PREX1: variants seen among roughly 807,000 people sequenced by gnomAD.
PREX1 encodes phosphatidylinositol 3,4,5-trisphosphate-dependent Rac exchanger 1 protein.
PREX1 carries 41 observed loss-of-function variants against 198.3 expected under a neutral mutation model. The observed-to-expected ratio is 0.21, with a 90% CI of 0.16 to 0.27. The LOEUF (loss-of-function observed/expected upper bound fraction) is 0.27. PREX1 is among the 10% of genes least tolerant of loss of function. The pLI, the probability that PREX1 is intolerant of heterozygous loss-of-function variation, is 1.00. For missense variants in PREX1, 1,620 were observed against 2,200.7 expected (o/e 0.74, Z 5.28); for synonymous variants, 843 against 887.2 (o/e 0.95, Z 0.89).
the PREX1 span, among the ~76,000 whole-genome samples, chr20:48,866,894 ACTCCAGC>A: frequency 6.6e-6 from 1 of 151,968 alleles, no homozygotes; most frequent in Non-Finnish European, 1.5e-5. Flanking sequence ...ACCCCACTGC[ACTCCAGC>A]CTGGGAAACA....
the PREX1 span, among the ~76,000 whole-genome samples, chr20:48,867,024 A>G: frequency 6.6e-6 from 1 of 152,166 alleles, no homozygotes; most frequent in Non-Finnish European, 1.5e-5. Context: ...TAGGGTTTAA[A>G]ATAACTTTCT....
the PREX1 span, among the ~76,000 whole-genome samples, chr20:48,856,168 C>G: frequency 6.6e-6 from 1 of 152,136 alleles, no homozygotes; most frequent in Non-Finnish European, 1.5e-5. Context: ...AGTGGTAGGG[C>G]CTAAGTCTGG....
the PREX1 span, among the ~76,000 whole-genome samples, chr20:48,878,569 A>G: frequency 6.6e-6 from 1 of 151,890 alleles, no homozygotes; most frequent in Non-Finnish European, 1.5e-5. Context: ...TGATCTACTG[A>G]CCTTGTGATC....
the PREX1 span, among the ~76,000 whole-genome samples, chr20:48,836,162 G>A: frequency 1.4e-4 from 22 of 152,266 alleles, no homozygotes; most frequent in Admixed American, 3.3e-4. Context: ...GTTTGGTTTT[G>A]GCCATGTTCA....
intron 1 of PREX1, among the ~76,000 whole-genome samples, chr20:48,826,055 CCTCCCT>C (rs1297694472): frequency 6.6e-6 from 1 of 151,956 alleles, no homozygotes. Flanking sequence ...AAGGCTGTCT[CCTCCCT>C]GAGCTGGAAC....
At chr20:48,853,631 C>T in the PREX1 span, among the ~76,000 whole-genome samples, 15,353 of 152,164 alleles carry the variant, frequency 0.1, 882 homozygotes, top group Middle Eastern at 0.16. Flanking sequence ...AGTAGGATAC[C>T]TTCTGCCTTG....
chr20:48,841,572 A>G, the PREX1 span, among the ~76,000 whole-genome samples: 1 of 152,194 alleles, frequency 6.6e-6, no homozygotes, highest in Non-Finnish European at 1.5e-5. Flanking sequence ...AGGGGTCCTC[A>G]CACATGGCCT....
chr20:48,791,877 A>G (rs2208589), intron 1 of PREX1, among the ~76,000 whole-genome samples: 122,363 of 152,176 alleles, frequency 0.8, 49,329 homozygotes, highest in African/African-American at 0.85. Flanking sequence ...ATTTCCTGCC[A>G]TTGGAAAATG....
chr20:48,820,620 C>A (rs1263272918), intron 1 of PREX1, among the ~76,000 whole-genome samples: 3 of 152,202 alleles, frequency 2.0e-5, no homozygotes, highest in Non-Finnish European at 4.4e-5. Context: ...GCTTTTAGCC[C>A]AGTGGTTCTC....
the PREX1 span, among the ~76,000 whole-genome samples, chr20:48,838,425 C>T: frequency 5.3e-5 from 8 of 152,256 alleles, no homozygotes; most frequent in Admixed American, 2.0e-4. Flanking sequence ...AGACAAACTT[C>T]GATGCGCAAA....
chr20:48,785,197 A>G (rs931602472), intron 1 of PREX1, among the ~76,000 whole-genome samples: 28 of 152,218 alleles, frequency 1.8e-4, no homozygotes, highest in African/African-American at 6.8e-4. Flanking sequence ...TACAGGCGTG[A>G]GCCACTGCAC....
At chr20:48,688,916 C>A in intron 9 of PREX1, 112 bp from the exon 10 acceptor site, 1 of 1,279,016 alleles carries the variant, frequency 7.8e-7, no homozygotes, top group East Asian at 2.4e-5. Context: ...CCACCTGCCC[C>A]ACCACCTGCC....
At chr20:48,818,244 A>C (rs1326542496) in intron 1 of PREX1, among the ~76,000 whole-genome samples, 1 of 152,198 alleles carries the variant, frequency 6.6e-6, no homozygotes, top group Admixed American at 6.5e-5. Context: ...GGAACTGGAT[A>C]ATGGGGATGA....
chr20:48,679,241 C>A, intron 13 of PREX1, 119 bp downstream of exon 13: 2 of 856,852 alleles, frequency 2.3e-6, no homozygotes, highest in Non-Finnish European at 3.8e-6. Flanking sequence ...ATAGGTGCCA[C>A]TGCAAGCCCC....
intron 9 of PREX1, 33 bp from the exon 10 acceptor site, chr20:48,688,837 C>G (rs1331470813): frequency 6.2e-7 from 1 of 1,613,084 alleles, no homozygotes; most frequent in Non-Finnish European, 8.5e-7. Flanking sequence ...CTGGAGAGAG[C>G]ACCAGGCCCA....
the PREX1 span, among the ~76,000 whole-genome samples, chr20:48,836,633 G>A: frequency 6.6e-6 from 1 of 152,068 alleles, no homozygotes; most frequent in African/African-American, 2.4e-5. Flanking sequence ...ACCCCACTCT[G>A]GCTGGGTGCG....
At chr20:48,652,465 G>T in intron 21 of PREX1, 121 bp downstream of exon 21, 1 of 1,325,530 alleles carries the variant, frequency 7.5e-7, no homozygotes. Context: ...AAACAAACCT[G>T]CTGGCATGGA....
intron 2 of PREX1, among the ~76,000 whole-genome samples, chr20:48,747,001 CACACACA>C (rs2090111603): frequency 9.2e-6 from 1 of 108,890 alleles, no homozygotes; most frequent in African/African-American, 3.5e-5. Flanking sequence ...CACACACACA[CACACACA>C]CACCCCACCC....
At chr20:48,658,782 C>A (rs1021180071) in intron 16 of PREX1, among the ~76,000 whole-genome samples, 2 of 152,146 alleles carry the variant, frequency 1.3e-5, no homozygotes, top group African/African-American at 4.8e-5. Context: ...TGGGATAGGG[C>A]ACGGCAAGGG....
Sources: gnomAD v4.1 joint callset for allele counts (sites outside exome capture counted in the v4.1 genomes callset) on GRCh38, gnomAD v4.1.1 for gene constraint, MANE v1.5 for transcripts, NCBI Gene and HGNC (gene_info 2026-07-23, HGNC 2026-07-21) for gene names.